GSK3B: variants seen among roughly 807,000 people sequenced by gnomAD.
GSK3B encodes the protein glycogen synthase kinase-3 beta.
GSK3B carries 15 observed loss-of-function variants against 56.4 expected under a neutral mutation model. That is an observed-to-expected ratio of 0.27 (90% CI 0.18 to 0.41). GSK3B has a LOEUF of 0.41. Ranked by LOEUF, GSK3B falls within the 10% of genes least tolerant of loss-of-function variation. GSK3B has a pLI of 1.00. For synonymous variants in GSK3B, 181 were observed against 188.9 expected (o/e 0.96, Z 0.34); for missense variants, 300 against 513.4 (o/e 0.58, Z 4.02).
intron 3 of GSK3B, among the ~76,000 whole-genome samples, chr3:119,932,302 T>C (rs17204365): frequency 0.024 from 3,714 of 152,312 alleles, 64 homozygotes; most frequent in Middle Eastern, 0.041. Flanking sequence ...ATCTTTTCTC[T>C]GATGGGTACG....
intron 1 of GSK3B, among the ~76,000 whole-genome samples, chr3:120,070,512 G>C (rs2058318220): frequency 6.6e-6 from 1 of 150,848 alleles, no homozygotes; most frequent in African/African-American, 2.4e-5. Flanking sequence ...TACTATACCT[G>C]ATCAGAGATG....
intron 10 of GSK3B, among the ~76,000 whole-genome samples, chr3:119,833,834 A>G (rs971534326): frequency 1.8e-4 from 28 of 151,704 alleles, no homozygotes; most frequent in African/African-American, 6.0e-4. Flanking sequence ...GGGATTAAAC[A>G]GGCACGCACC....
At chr3:119,878,308 T>C (rs984926740) in intron 7 of GSK3B, among the ~76,000 whole-genome samples, 2 of 152,160 alleles carry the variant, frequency 1.3e-5, no homozygotes, top group Admixed American at 6.5e-5. Context: ...CAGTAAAAGA[T>C]ATGTACAGAC....
intron 7 of GSK3B, among the ~76,000 whole-genome samples, chr3:119,890,157 CAT>C (rs1320890797): frequency 6.6e-6 from 1 of 151,964 alleles, no homozygotes; most frequent in Non-Finnish European, 1.5e-5. Context: ...GAAATATAAA[CAT>C]ATGTCTGCAA....
At chr3:119,863,639 GTTTTA>G in intron 8 of GSK3B, 34 bp from the exon 9 acceptor site, 1 of 1,377,038 alleles carries the variant, frequency 7.3e-7, no homozygotes, top group Non-Finnish European at 1.0e-6. Flanking sequence ...AACAATTAAT[GTTTTA>G]TTTTAAGAAT....
chr3:119,823,431 T>A lies in GSK3B; in HGVS notation c.*3357A>T, dbSNP rs2055445938. 5.1e-6 allele frequency: 1 copy of A among 197,878 alleles called. No individual in the cohort carries two copies. The highest frequency in any genetic ancestry group is 6.0e-5 in the Admixed American group (1 of 16,542). The allele number at this position is 197,878 out of a possible 1,614,324, so 12.3% of individuals were successfully genotyped here. ...TATAGCATTTTAGACCACTGACGTATCAAAACCTGATACTATTAAGAAACT... is the reference window on the plus strand; with the variant it reads ...TATAGCATTTTAGACCACTGACGTAACAAAACCTGATACTATTAAGAAACT... On this transcript the variant is annotated 3_prime_UTR_variant, in exon 11 of 11. Transcript: ENST00000264235.
At chr3:119,928,950 G>T (rs937691790) in intron 3 of GSK3B, among the ~76,000 whole-genome samples, 1 of 152,108 alleles carries the variant, frequency 6.6e-6, no homozygotes, top group Non-Finnish European at 1.5e-5. Context: ...AAAGACTCGA[G>T]TTTTAGCTAT....
intron 1 of GSK3B, among the ~76,000 whole-genome samples, chr3:120,083,062 T>C (rs2107579280): frequency 6.6e-6 from 1 of 151,882 alleles, no homozygotes; most frequent in South Asian, 2.1e-4. Flanking sequence ...TTCCAACATC[T>C]ATTTCTCAGT....
chr3:120,008,260 G>A (rs1431491931), intron 1 of GSK3B, among the ~76,000 whole-genome samples: 1 of 152,236 alleles, frequency 6.6e-6, no homozygotes, highest in Non-Finnish European at 1.5e-5. Flanking sequence ...AACATTCCAT[G>A]CTCATGCATA....
intron 10 of GSK3B, among the ~76,000 whole-genome samples, chr3:119,835,321 CTACTT>C (rs745445897): frequency 6.6e-5 from 10 of 152,162 alleles, no homozygotes; most frequent in Non-Finnish European, 1.5e-4. Flanking sequence ...CTTTTTGACT[CTACTT>C]CTAAAAATTT....
In GSK3B at chr3:119,966,089, G is replaced by A. The variant is rs568176298; in HGVS notation, c.283-18738C>T. Among the ~76,000 whole-genome samples, 15 of 152,288 alleles carry A rather than the reference G, an allele frequency of 9.8e-5. 1 individual carries two copies. The South Asian group carries it at 3.1e-3, about 32-fold the overall frequency. ...CACATAGACTATAAACTCCTTGATT[G>A]CACAGACTGTTCATATGTCTCCTTG... On this transcript the variant is annotated intron_variant, in intron 2 of 10. Coordinates refer to ENST00000264235, the MANE Select transcript of GSK3B (RefSeq NM_001146156.2).
chr3:119,949,225 A>G (rs2057131042), intron 2 of GSK3B, among the ~76,000 whole-genome samples: 1 of 152,208 alleles, frequency 6.6e-6, no homozygotes, highest in South Asian at 2.1e-4. Flanking sequence ...AATACTTTTG[A>G]TCAAAAAGAA....
intron 8 of GSK3B, among the ~76,000 whole-genome samples, chr3:119,865,467 T>TATATATATATATATATATATATATATA (rs1491089884): frequency 4.8e-5 from 1 of 21,026 alleles, no homozygotes; most frequent in Non-Finnish European, 9.0e-5. Context: ...TATATATATA[T>TATATATATATATATATATATATATATA]TTTTTTTTTT....
chr3:119,935,842 G>T (rs186651234), intron 3 of GSK3B, among the ~76,000 whole-genome samples: 192 of 152,206 alleles, frequency 1.3e-3, no homozygotes, highest in Non-Finnish European at 2.1e-3. Flanking sequence ...GAATATAGAT[G>T]CAAAAACTCT....
chr3:119,829,887 C>T (rs1042925593), intron 10 of GSK3B, among the ~76,000 whole-genome samples: 1 of 152,140 alleles, frequency 6.6e-6, no homozygotes, highest in Non-Finnish European at 1.5e-5. Context: ...ATAATTTTAA[C>T]GCTAATTATT....
rs757094707 is a variant in GSK3B, at chr3:120,094,024, GAGTC to G, written c.-594_-591del. The G allele has an allele frequency of 9.8e-4, 217 of 221,580 alleles. No individual in the cohort carries two copies. The highest frequency in any genetic ancestry group is 3.6e-3 in the Admixed American group (62 of 17,226). 13.7% of individuals were successfully genotyped at this position (221,580 alleles called of 1,614,324 possible). On this transcript the variant is annotated 5_prime_UTR_variant, in exon 1 of 11. Transcript: ENST00000264235. ...GCGAACTAGAGGGCGGCGGAGTCGC[GAGTC>G]AGTCAGAGGCGGGCGGTGGCGGTGG...
intron 1 of GSK3B, among the ~76,000 whole-genome samples, chr3:120,066,063 T>C (rs2058275815): frequency 1.3e-5 from 2 of 152,204 alleles, no homozygotes; most frequent in Non-Finnish European, 2.9e-5. Context: ...TTAATGCTAA[T>C]GATTGTACAC....
At chr3:119,875,183 A>T (rs974637819) in intron 8 of GSK3B, among the ~76,000 whole-genome samples, 3 of 152,118 alleles carry the variant, frequency 2.0e-5, no homozygotes, top group Non-Finnish European at 4.4e-5. Context: ...GAGGTCTTTG[A>T]TTCTAAATAG....
At chr3:119,870,014 T>C (rs1014447184) in intron 8 of GSK3B, among the ~76,000 whole-genome samples, 1 of 152,226 alleles carries the variant, frequency 6.6e-6, no homozygotes, top group Non-Finnish European at 1.5e-5. Flanking sequence ...CCTATGAATA[T>C]AGAAATATTT....
Sources: allele counts gnomAD v4.1 joint callset (sites outside exome capture counted in the v4.1 genomes callset), GRCh38; gene constraint gnomAD v4.1.1; transcripts MANE v1.5; gene names NCBI Gene and HGNC (gene_info 2026-07-23, HGNC 2026-07-21).